RPL28: variants seen among roughly 807,000 people sequenced by gnomAD.
RPL28 encodes the protein ribosomal protein L28.
A neutral mutation model predicts 12.5 loss-of-function variants in RPL28; 4 were observed. The observed-to-expected ratio is 0.32, with a 90% CI of 0.16 to 0.73. The LOEUF is 0.73. Ranked by LOEUF, RPL28 falls within the 30% of genes least tolerant of loss-of-function variation. The probability of loss-of-function intolerance (pLI) is 0.66; values close to 1 mark genes in which losing one functional copy is unlikely to be tolerated. For missense variants in RPL28, 214 were observed against 197.7 expected (o/e 1.08, Z -0.49); for synonymous variants, 91 against 72.5 (o/e 1.26, Z -1.30).
rs1250115029 is a variant in RPL28 at position 55,389,160 on chromosome 19, A to T, written c.*828A>T. 20 of 982,148 alleles carry T rather than the reference A, an allele frequency of 2.0e-5. No individual in the cohort carries two copies. Among genetic ancestry groups the T allele is most frequent in the Non-Finnish European group, 2.4e-5 (20 of 827,028 alleles). 60.8% of individuals were successfully genotyped at this position (982,148 alleles called of 1,614,324 possible). On this transcript the variant is annotated 3_prime_UTR_variant, in exon 5 of 5. Transcript: ENST00000344063. ...CTTGTGAGGCCAGGAGTTTGAGACC[A>T]TCCTAGGCAACATAATGAGACACCG...
chr19:55,399,387 G>T (rs1299154000), intron 4 of RPL28, among the ~76,000 whole-genome samples: 2 of 152,116 alleles, frequency 1.3e-5, no homozygotes, highest in Admixed American at 6.5e-5. Flanking sequence ...GGCTGGTCTT[G>T]AACTCCTGAC....
downstream of RPL28, among the ~76,000 whole-genome samples, chr19:55,395,363 C>A (rs2059243731): frequency 6.6e-6 from 1 of 151,836 alleles, no homozygotes; most frequent in African/African-American, 2.4e-5. Context: ...CTTGAACTGA[C>A]CTCAAGAGAT....
At position 55,386,385 on chromosome 19, in the gene RPL28, G is replaced by C; in HGVS notation, c.28G>C (p.Val10Leu). Residue 10 changes from valine (V) to leucine (L), a missense_variant, in exon 2 of 5, where the codon GTG becomes CTG. By Grantham distance (32) the Val-to-Leu change is conservative. Transcript: ENST00000344063. MSAHLQWMVVRNCSSFLIKR... is the reference protein window; with the variant it reads MSAHLQWMVLRNCSSFLIKR... ...GTCTGCGCATCTGCAATGGATGGTC[G>C]TGCGGAACTGCTCCAGTTTCCTGAT... The C allele has an allele frequency of 6.2e-7, 1 of 1,614,118 alleles. No individual in the cohort carries two copies. Among genetic ancestry groups the C allele is most frequent in the Non-Finnish European group, 8.5e-7 (1 of 1,180,018 alleles).
chr19:55,394,520 A>G (rs10421207), downstream of RPL28, among the ~76,000 whole-genome samples: 4 of 151,928 alleles, frequency 2.6e-5, no homozygotes, highest in African/African-American at 9.7e-5. Context: ...CTTGGCCTCT[A>G]AAAGTGCTGG....
chr19:55,393,954 G>T (rs2090007819), downstream of RPL28, among the ~76,000 whole-genome samples: 2 of 148,802 alleles, frequency 1.3e-5, no homozygotes, highest in African/African-American at 4.9e-5. Flanking sequence ...CCAGCTACAA[G>T]TCTTTTTTTT....
intron 4 of RPL28, chr19:55,402,865 G>A: frequency 8.0e-7 from 1 of 1,257,284 alleles, no homozygotes; most frequent in South Asian, 1.5e-5. Flanking sequence ...CCCATGGCAG[G>A]AAACCCCAAT....
chr19:55,399,878 G>C (rs1261454933), intron 4 of RPL28: 1 of 152,250 alleles, frequency 6.6e-6, no homozygotes, highest in East Asian at 1.9e-4. Flanking sequence ...GATAAACGCA[G>C]AGCTTAAGAT....
chr19:55,394,400 C>T (rs1478731531), downstream of RPL28, among the ~76,000 whole-genome samples: 3 of 151,664 alleles, frequency 2.0e-5, no homozygotes, highest in Non-Finnish European at 4.4e-5. Flanking sequence ...GCTGGCACCA[C>T]CGGTGTGCTC....
In RPL28 at chr19:55,389,499, G is replaced by C. The variant is rs532073981; in HGVS notation, c.*1167G>C. The C allele has an allele frequency of 1.0e-6, 1 of 985,288 alleles. No individual in the cohort carries two copies. The highest frequency in any genetic ancestry group is 1.2e-6 in the Non-Finnish European group (1 of 829,944). 61.0% of individuals were successfully genotyped at this position (985,288 alleles called of 1,614,324 possible). A position where few individuals can be genotyped will look rare whatever the true frequency, so the allele number is the denominator to read the frequency against. On this transcript the variant is annotated 3_prime_UTR_variant, in exon 5 of 5. Coordinates refer to ENST00000344063, the MANE Select transcript of RPL28 (RefSeq NM_000991.5). Reference sequence around the variant, plus strand: ...GCCATCCTGGGGTACCCGATTCAAAGAAGGACTCTGCTCCCTGTCTGAGAC... The same window carrying C: ...GCCATCCTGGGGTACCCGATTCAAACAAGGACTCTGCTCCCTGTCTGAGAC...
At chr19:55,401,982 C>T (rs988818588) in intron 4 of RPL28, among the ~76,000 whole-genome samples, 2 of 152,220 alleles carry the variant, frequency 1.3e-5, no homozygotes, top group South Asian at 2.1e-4. Context: ...CAAAAGGACA[C>T]GATGCCATAG....
chr19:55,392,126 A>C (rs1383526884), downstream of RPL28: 1 of 988,862 alleles, frequency 1.0e-6, no homozygotes, highest in East Asian at 1.1e-4. Context: ...GAAAAACTGC[A>C]AATGAAAGAA....
intron 4 of RPL28, 58 bp from the exon 5 acceptor site, chr19:55,388,185 C>T: frequency 6.6e-7 from 1 of 1,518,288 alleles, no homozygotes; most frequent in South Asian, 1.3e-5. Context: ...CAGCATTGGC[C>T]TAGGGGGCGG....
At chr19:55,393,309 C>T (rs985603220), downstream of RPL28, among the ~76,000 whole-genome samples, 39 of 146,312 alleles carry the variant, frequency 2.7e-4, no homozygotes, top group Non-Finnish European at 5.1e-4. Context: ...GCCAGCAAGG[C>T]CCGGGATCTG....
downstream of RPL28, among the ~76,000 whole-genome samples, chr19:55,396,051 G>T (rs376975536): frequency 3.3e-5 from 5 of 151,922 alleles, no homozygotes; most frequent in African/African-American, 1.2e-4. Flanking sequence ...GCTGAGATGC[G>T]AGGATCCCTT....
intron 4 of RPL28, chr19:55,401,780 G>A (rs999035844): frequency 1.9e-6 from 3 of 1,612,642 alleles, no homozygotes; most frequent in Non-Finnish European, 2.5e-6. Flanking sequence ...AAGAGGCTCA[G>A]GGTCACAGTG....
intron 4 of RPL28, chr19:55,401,840 C>CG: frequency 6.8e-7 from 1 of 1,473,898 alleles, no homozygotes; most frequent in Non-Finnish European, 9.4e-7. Flanking sequence ...GGGTGGCCTC[C>CG]GCACTGGCTG....
In RPL28 at chr19:55,386,708, G is replaced by A. The variant is rs1314257815; in HGVS notation, c.205+15G>A. 1.2e-6 allele frequency: 2 copies of A among 1,614,022 alleles called. No homozygotes were observed. The highest frequency in any genetic ancestry group is 2.2e-5 in the East Asian group (1 of 44,872). The stretch of plus-strand genomic sequence containing the variant: ...GCGGAGATCCGGTGAGTTTTGTCTG[G>A]TTTGGGCCAGAGAGCGGCCCCTTTC... On this transcript the variant is annotated intron_variant, in intron 3 of 4. Coordinates refer to ENST00000344063, the MANE Select transcript of RPL28 (RefSeq NM_000991.5).
chr19:55,401,774 G>A (rs749436756), intron 4 of RPL28: 1 of 1,612,860 alleles, frequency 6.2e-7, no homozygotes, highest in African/African-American at 1.3e-5. Context: ...TGTGGGAAGA[G>A]GCTCAGGGTC....
chr19:55,397,760 T>C (rs2090033328), intron 4 of RPL28, among the ~76,000 whole-genome samples: 1 of 136,360 alleles, frequency 7.3e-6, no homozygotes, highest in Admixed American at 7.2e-5. Context: ...TCCCAGCTAC[T>C]AGGGAGGCTG....
Sources: allele counts gnomAD v4.1 joint callset (sites outside exome capture counted in the v4.1 genomes callset), GRCh38; gene constraint gnomAD v4.1.1; transcripts MANE v1.5; gene names NCBI Gene and HGNC (gene_info 2026-07-23, HGNC 2026-07-21).